SCHIP1: variants seen among roughly 807,000 people sequenced by gnomAD.
SCHIP1 encodes the protein schwannomin-interacting protein 1.
A neutral mutation model predicts 29.7 loss-of-function variants in SCHIP1; 8 were observed. The ratio of observed to expected loss-of-function variants is 0.27; its 90% CI spans 0.16 to 0.49. The LOEUF (loss-of-function observed/expected upper bound fraction) is 0.49, where lower values mean the gene tolerates loss of function less well. Among genes scored for constraint, SCHIP1 ranks in the 20% least tolerant of loss-of-function variants. The pLI, the probability that SCHIP1 is intolerant of heterozygous loss-of-function variation, is 0.99. For missense variants in SCHIP1, 193 were observed against 294.6 expected, an observed-to-expected ratio of 0.66 and a Z score of 2.52; for synonymous variants, 76 against 94.9, an observed-to-expected ratio of 0.80 and a Z score of 1.16.
At chr3:159,579,146 G>C in the SCHIP1 span, among the ~76,000 whole-genome samples, 3 of 152,102 alleles carry the variant, frequency 2.0e-5, no homozygotes, top group Non-Finnish European at 4.4e-5. Flanking sequence ...GGTTAAAAAA[G>C]CTAAATGTAT....
the SCHIP1 span, among the ~76,000 whole-genome samples, chr3:159,359,604 G>A: frequency 2.6e-5 from 4 of 152,106 alleles, no homozygotes; most frequent in Admixed American, 6.6e-5. Context: ...TTCCAAAATG[G>A]AATTTATTTC....
At chr3:159,470,247 T>C in the SCHIP1 span, among the ~76,000 whole-genome samples, 5 of 152,284 alleles carry the variant, frequency 3.3e-5, no homozygotes, top group East Asian at 9.6e-4. Flanking sequence ...GTCATCATTA[T>C]TGCATTGAAC....
chr3:159,523,939 A>C, the SCHIP1 span, among the ~76,000 whole-genome samples: 2 of 152,182 alleles, frequency 1.3e-5, no homozygotes, highest in Non-Finnish European at 2.9e-5. Context: ...TGAATCCCCC[A>C]ATAATCTGAG....
At chr3:159,506,001 G>A in the SCHIP1 span, among the ~76,000 whole-genome samples, 1 of 152,126 alleles carries the variant, frequency 6.6e-6, no homozygotes, top group Non-Finnish European at 1.5e-5. Context: ...GGGATGGCTG[G>A]GTCAAATGGT....
chr3:159,762,777 T>G, the SCHIP1 span, among the ~76,000 whole-genome samples: 1 of 152,212 alleles, frequency 6.6e-6, no homozygotes, highest in Non-Finnish European at 1.5e-5. Flanking sequence ...CAAAGGAGAT[T>G]AGCTGCCAGA....
At chr3:159,292,676 A>G in the SCHIP1 span, among the ~76,000 whole-genome samples, 1 of 152,330 alleles carries the variant, frequency 6.6e-6, no homozygotes, top group African/African-American at 2.4e-5. Context: ...TGCAGCAATG[A>G]CTGGAATGTG....
the SCHIP1 span, among the ~76,000 whole-genome samples, chr3:159,448,280 G>T: frequency 6.6e-6 from 1 of 152,062 alleles, no homozygotes; most frequent in African/African-American, 2.4e-5. Context: ...AGACCATCCT[G>T]GCTAACATAG....
At chr3:159,593,676 C>T in the SCHIP1 span, among the ~76,000 whole-genome samples, 3 of 150,974 alleles carry the variant, frequency 2.0e-5, no homozygotes, top group South Asian at 4.2e-4. Flanking sequence ...CTGACTCTCC[C>T]GCTGCCACCC....
the SCHIP1 span, among the ~76,000 whole-genome samples, chr3:159,805,129 C>A: frequency 1.3e-5 from 2 of 152,168 alleles, no homozygotes; most frequent in African/African-American, 4.8e-5. Flanking sequence ...CAACTTCCCC[C>A]AAGCACCTGG....
intron 5 of SCHIP1, 90 bp downstream of exon 6, chr3:159,889,033 A>T: frequency 6.8e-7 from 1 of 1,471,030 alleles, no homozygotes; most frequent in South Asian, 1.4e-5. Flanking sequence ...TTCATACAAC[A>T]TTTCATTGGG....
chr3:159,551,132 G>A, the SCHIP1 span, among the ~76,000 whole-genome samples: 2 of 152,160 alleles, frequency 1.3e-5, no homozygotes, highest in South Asian at 4.2e-4. Context: ...ATTTTTCTGG[G>A]GAGAGGTTCT....
chr3:159,365,774 C>G, the SCHIP1 span, among the ~76,000 whole-genome samples: 11 of 152,086 alleles, frequency 7.2e-5, no homozygotes, highest in Non-Finnish European at 1.0e-4. Context: ...CTCAGTGTGG[C>G]CCAAAGCAAT....
chr3:159,302,206 G>A, the SCHIP1 span, among the ~76,000 whole-genome samples: 1 of 152,158 alleles, frequency 6.6e-6, no homozygotes, highest in East Asian at 1.9e-4. Flanking sequence ...TGATGTCAAG[G>A]TGACAAGTTG....
At chr3:159,658,825 T>A in the SCHIP1 span, among the ~76,000 whole-genome samples, 2 of 152,238 alleles carry the variant, frequency 1.3e-5, no homozygotes, top group Admixed American at 1.3e-4. Flanking sequence ...TATTTCCCCC[T>A]ACAATCCTGT....
chr3:159,452,612 C>T, the SCHIP1 span, among the ~76,000 whole-genome samples: 3,736 of 152,120 alleles, frequency 0.025, 159 homozygotes, highest in African/African-American at 0.086. Context: ...AATAAATATA[C>T]GTGTGCATGT....
the SCHIP1 span, among the ~76,000 whole-genome samples, chr3:159,581,582 T>C: frequency 3.3e-5 from 5 of 152,120 alleles, no homozygotes; most frequent in Non-Finnish European, 7.4e-5. Flanking sequence ...TCCCCCATGA[T>C]ATCAGAGGAC....
chr3:159,711,612 G>T, the SCHIP1 span, among the ~76,000 whole-genome samples: 1 of 152,074 alleles, frequency 6.6e-6, no homozygotes, highest in African/African-American at 2.4e-5. Flanking sequence ...ATGTAACCTA[G>T]AGCCTATTGC....
chr3:159,783,679 G>A, the SCHIP1 span, among the ~76,000 whole-genome samples: 3 of 152,264 alleles, frequency 2.0e-5, no homozygotes, highest in Non-Finnish European at 4.4e-5. Flanking sequence ...AAGTACGTGG[G>A]AAGAAGCTGT....
At chr3:159,764,822 C>T in the SCHIP1 span, 3 of 1,588,040 alleles carry the variant, frequency 1.9e-6, no homozygotes, top group East Asian at 2.3e-5. This position sits in a 1 kb window ranked among gnomAD's most constrained non-coding sequence, Gnocchi z 6.1. Context: ...CCCCCGGTGC[C>T]CAACGGCAAC....
Sources: gnomAD v4.1 joint callset for allele counts (sites outside exome capture counted in the v4.1 genomes callset) on GRCh38, gnomAD v4.1.1 for gene constraint, Gnocchi (gnomAD v3.1) non-coding constraint, MANE v1.5 for transcripts, NCBI Gene and HGNC (gene_info 2026-07-23, HGNC 2026-07-21) for gene names.